The following DLG2 variants were observed in gnomAD, a reference collection of about 807,000 sequenced individuals.
DLG2 encodes the protein discs large MAGUK scaffold protein 2.
In DLG2, 45 loss-of-function variants were observed where a neutral mutation model predicts 132.5. The observed-to-expected ratio is 0.34, with a 90% CI of 0.27 to 0.44. The LOEUF is 0.44. Among genes scored for constraint, DLG2 ranks in the 20% least tolerant of loss-of-function variants. DLG2 has a pLI of 1.00. For synonymous variants in DLG2, 424 were observed against 419.6 expected (o/e 1.01, Z -0.13); for missense variants, 1,045 against 1,196.9 (o/e 0.87, Z 1.87).
At chr11:85,002,051 G>A (rs191974860) in intron 6 of DLG2, among the ~76,000 whole-genome samples, 132 of 152,296 alleles carry the variant, frequency 8.7e-4, no homozygotes, top group Admixed American at 5.0e-3. Flanking sequence ...CCAAGCAACA[G>A]TGCTTTATTA....
chr11:84,458,809 A>G (rs1473892523), intron 7 of DLG2, among the ~76,000 whole-genome samples: 1 of 150,620 alleles, frequency 6.6e-6, no homozygotes, highest in African/African-American at 2.4e-5. Flanking sequence ...TAGCCTATCA[A>G]TATCTTTGTA....
At chr11:85,547,224 A>G (rs1361282905) in intron 3 of DLG2, among the ~76,000 whole-genome samples, 1 of 152,170 alleles carries the variant, frequency 6.6e-6, no homozygotes, top group African/African-American at 2.4e-5. Flanking sequence ...GCTTGTCTAT[A>G]AAGGGTTTTA....
In DLG2 at chr11:85,428,061, C is replaced by T. The variant is rs553225917; in HGVS notation, c.41-142696G>A. On this transcript the variant is annotated intron_variant, in intron 3 of 27. Transcript: ENST00000376104. ...TTACATAATGGTAAAGGGATCAATT[C>T]AACAAGAAGAGCTAACTATCCTAAA... Among the ~76,000 whole-genome samples, 287 of 152,250 alleles carry T rather than the reference C, an allele frequency of 1.9e-3. 1 individual carries two copies. The highest frequency in any genetic ancestry group is 2.7e-3 in the Non-Finnish European group (184 of 68,008).
chr11:85,257,694 G>C lies in DLG2; in HGVS notation c.186+27526C>G, dbSNP rs373815287. 1.0e-3 allele frequency among the ~76,000 whole-genome samples: 156 copies of C among 152,236 alleles called. 4 individuals carry two copies. The South Asian group carries it at 0.03, about 29-fold the overall frequency. On this transcript the variant is annotated intron_variant, in intron 4 of 27. Coordinates refer to ENST00000376104, the MANE Select transcript of DLG2 (RefSeq NM_001142699.3). ...TCACCTAAATCTATTTGTACAATAA[G>C]ATTGTAAATGAACTGATGTTATCCT...
At chr11:84,461,804 T>A (rs1482285869) in intron 7 of DLG2, among the ~76,000 whole-genome samples, 1 of 150,870 alleles carries the variant, frequency 6.6e-6, no homozygotes, top group Non-Finnish European at 1.5e-5. Context: ...GTTTTTTTCC[T>A]GTGGTAGATA....
intron 8 of DLG2, among the ~76,000 whole-genome samples, chr11:84,201,496 T>C (rs139634364): frequency 2.9e-3 from 436 of 152,184 alleles, no homozygotes; most frequent in Non-Finnish European, 4.5e-3. Flanking sequence ...CTTTTCAGTT[T>C]TTTGGAACAG....
chr11:85,372,100 GA>G (rs2085027354), intron 3 of DLG2, among the ~76,000 whole-genome samples: 1 of 152,176 alleles, frequency 6.6e-6, no homozygotes, highest in South Asian at 2.1e-4. Flanking sequence ...TTGAACCAAG[GA>G]GCAATCTCCA....
At chr11:84,903,204 C>G (rs778365816) in intron 6 of DLG2, among the ~76,000 whole-genome samples, 1 of 152,116 alleles carries the variant, frequency 6.6e-6, no homozygotes, top group Non-Finnish European at 1.5e-5. Context: ...AAACCTTTAG[C>G]GAATACAAAG....
At chr11:84,059,016 T>C (rs1483479413) in intron 11 of DLG2, among the ~76,000 whole-genome samples, 2 of 152,166 alleles carry the variant, frequency 1.3e-5, no homozygotes, top group Non-Finnish European at 2.9e-5. Flanking sequence ...TTAGTATTAA[T>C]ATGCTAGCTA....
At chr11:84,770,344 G>A (rs903956255) in intron 6 of DLG2, among the ~76,000 whole-genome samples, 4 of 152,118 alleles carry the variant, frequency 2.6e-5, no homozygotes, top group Non-Finnish European at 4.4e-5. Flanking sequence ...GGGTACATGT[G>A]CAGGTTTGTT....
chr11:83,756,728 A>G (rs1313674037), intron 18 of DLG2, among the ~76,000 whole-genome samples: 1 of 151,534 alleles, frequency 6.6e-6, no homozygotes, highest in Non-Finnish European at 1.5e-5. Context: ...GAAAAAATAT[A>G]TAAACAAATA....
At chr11:85,258,006 T>C (rs1167060542) in intron 4 of DLG2, among the ~76,000 whole-genome samples, 2 of 152,168 alleles carry the variant, frequency 1.3e-5, no homozygotes, top group African/African-American at 2.4e-5. Context: ...TATACACTTT[T>C]ACTCTAAGGA....
chr11:84,589,074 A>G (rs989934277), intron 6 of DLG2, among the ~76,000 whole-genome samples: 1 of 152,150 alleles, frequency 6.6e-6, no homozygotes, highest in Non-Finnish European at 1.5e-5. Context: ...ACACTTTCAA[A>G]GTACTATTCT....
intron 10 of DLG2, among the ~76,000 whole-genome samples, chr11:84,069,829 A>C (rs1207973970): frequency 6.6e-6 from 1 of 152,186 alleles, no homozygotes; most frequent in Non-Finnish European, 1.5e-5. Flanking sequence ...AGGCTACTTA[A>C]TGGGTACAAC....
chr11:84,909,237 G>C (rs1269386087), intron 6 of DLG2, among the ~76,000 whole-genome samples: 1 of 152,106 alleles, frequency 6.6e-6, no homozygotes, highest in Non-Finnish European at 1.5e-5. Context: ...TTCTTTACAA[G>C]ATTACTGAAT....
At chr11:84,970,141 A>G (rs902650211) in intron 6 of DLG2, among the ~76,000 whole-genome samples, 2 of 152,146 alleles carry the variant, frequency 1.3e-5, no homozygotes, top group Non-Finnish European at 2.9e-5. Flanking sequence ...CGTTCTGCAC[A>G]TGTATCCCAG....
chr11:84,915,730 T>C (rs1036034386), intron 6 of DLG2, among the ~76,000 whole-genome samples: 1 of 152,226 alleles, frequency 6.6e-6, no homozygotes, highest in East Asian at 1.9e-4. Flanking sequence ...TTGTTGTGCA[T>C]CTATTCTTAT....
chr11:85,472,573 C>A (rs931165362), intron 3 of DLG2, among the ~76,000 whole-genome samples: 2 of 152,190 alleles, frequency 1.3e-5, no homozygotes, highest in African/African-American at 4.8e-5. Flanking sequence ...GCTGGGATTC[C>A]AGGCGTGAGC....
intron 3 of DLG2, among the ~76,000 whole-genome samples, chr11:85,575,080 G>A (rs370630898): frequency 3.4e-4 from 52 of 150,954 alleles, no homozygotes; most frequent in African/African-American, 1.3e-3. Flanking sequence ...ATAATGCAGA[G>A]ATGATCATTT....
Sources: allele counts gnomAD v4.1 joint callset (sites outside exome capture counted in the v4.1 genomes callset), GRCh38; gene constraint gnomAD v4.1.1; transcripts MANE v1.5; gene names NCBI Gene and HGNC (gene_info 2026-07-23, HGNC 2026-07-21).